The following RALGPS2 variants were observed in gnomAD, a reference collection of about 807,000 sequenced individuals.
The protein encoded by RALGPS2 is Ral GEF with PH domain and SH3 binding motif 2.
A neutral mutation model predicts 86.8 loss-of-function variants in RALGPS2; 43 were observed. That is an observed-to-expected ratio of 0.50 (90% CI 0.39 to 0.64). The LOEUF is 0.64. Among genes scored for constraint, RALGPS2 ranks in the 30% least tolerant of loss-of-function variants. RALGPS2 has a pLI of 0.00. For missense variants in RALGPS2, 536 were observed against 694.6 expected (o/e 0.77, Z 2.57); for synonymous variants, 243 against 231.3 (o/e 1.05, Z -0.46).
intron 6 of RALGPS2, among the ~76,000 whole-genome samples, chr1:178,814,504 C>G (rs1426716102): frequency 6.6e-6 from 1 of 152,144 alleles, no homozygotes; most frequent in Non-Finnish European, 1.5e-5. Context: ...GGTGTGATCC[C>G]AACTCACTGC....
intron 1 of RALGPS2, among the ~76,000 whole-genome samples, chr1:178,744,835 AAAG>A (rs1208068171): frequency 7.9e-5 from 12 of 151,718 alleles, no homozygotes; most frequent in African/African-American, 2.2e-4. Flanking sequence ...AAAAAAAAAA[AAAG>A]AAAGGAAAAG....
chr1:178,764,697 T>C (rs781571961), intron 1 of RALGPS2, among the ~76,000 whole-genome samples: 10 of 152,222 alleles, frequency 6.6e-5, no homozygotes, highest in Non-Finnish European at 1.0e-4. Context: ...GAAACAGATA[T>C]TATTTCTTCT....
At chr1:178,871,851 G>A (rs1220162704) in intron 8 of RALGPS2, among the ~76,000 whole-genome samples, 1 of 152,178 alleles carries the variant, frequency 6.6e-6, no homozygotes, top group East Asian at 1.9e-4. Context: ...TGTGAACTTA[G>A]ACAAATCACT....
At chr1:178,821,500 A>T in intron 6 of RALGPS2, 112 bp from the exon 7 acceptor site, 2 of 743,164 alleles carry the variant, frequency 2.7e-6, no homozygotes, top group Non-Finnish European at 4.6e-6. Flanking sequence ...TAATGAAGGT[A>T]ATATATGCTG....
chr1:178,877,477 AT>A lies in RALGPS2; in HGVS notation c.608-18del. The stretch of plus-strand genomic sequence containing the variant: ...CCAACCTACAACTAAGAAAACGTTC[AT>A]TTATCTAATTGTATTTCAGGTATCT... On this transcript the variant is annotated intron_variant, in intron 8 of 19. Coordinates refer to ENST00000367635, the MANE Select transcript of RALGPS2 (RefSeq NM_152663.5). 6.2e-7 allele frequency: 1 copy of A among 1,611,238 alleles called. No individual in the cohort carries two copies. The highest frequency in any genetic ancestry group is 1.1e-5 in the South Asian group (1 of 90,810).
At chr1:178,910,841 A>AG in intron 19 of RALGPS2, among the ~76,000 whole-genome samples, 1 of 152,254 alleles carries the variant, frequency 6.6e-6, no homozygotes, top group African/African-American at 2.4e-5. Flanking sequence ...GATTGGTACT[A>AG]GCTCTTTTTC....
intron 6 of RALGPS2, among the ~76,000 whole-genome samples, chr1:178,813,420 A>G (rs1371357281): frequency 6.6e-6 from 1 of 152,176 alleles, no homozygotes; most frequent in Non-Finnish European, 1.5e-5. Flanking sequence ...ATTATTTTTG[A>G]CAGCACTTGC....
chr1:178,763,714 G>T (rs1241236121), intron 1 of RALGPS2, among the ~76,000 whole-genome samples: 2 of 152,038 alleles, frequency 1.3e-5, no homozygotes, highest in African/African-American at 4.8e-5. Flanking sequence ...TAGTTTCAAA[G>T]AATTTCTTGA....
At chr1:178,772,350 C>A (rs1190571509) in intron 1 of RALGPS2, among the ~76,000 whole-genome samples, 1 of 152,172 alleles carries the variant, frequency 6.6e-6, no homozygotes, top group African/African-American at 2.4e-5. Context: ...AACAAAAACA[C>A]AAAATATTTG....
At chr1:178,791,046 C>T (rs1029277204) in intron 4 of RALGPS2, among the ~76,000 whole-genome samples, 3 of 152,172 alleles carry the variant, frequency 2.0e-5, no homozygotes, top group Admixed American at 1.3e-4. Context: ...ATTCAGGTCT[C>T]TACTTCATAT....
At chr1:178,796,381 T>C (rs1177082134) in intron 4 of RALGPS2, among the ~76,000 whole-genome samples, 3 of 152,170 alleles carry the variant, frequency 2.0e-5, no homozygotes, top group African/African-American at 7.2e-5. Flanking sequence ...GACTGAGACT[T>C]CTTTGTAGAT....
chr1:178,860,136 T>G (rs1194087750), intron 8 of RALGPS2, among the ~76,000 whole-genome samples: 6 of 152,148 alleles, frequency 3.9e-5, no homozygotes, highest in Non-Finnish European at 7.4e-5. Context: ...TCAGCTCTCC[T>G]ACAAGGAATA....
intron 5 of RALGPS2, 143 bp downstream of exon 5, chr1:178,808,271 CTT>C (rs939205822): frequency 3.2e-6 from 2 of 634,078 alleles, no homozygotes; most frequent in East Asian, 2.8e-5. Flanking sequence ...TGCATGATCT[CTT>C]TTTTTCTCTG....
At chr1:178,888,687 G>A (rs1558172355) in intron 13 of RALGPS2, among the ~76,000 whole-genome samples, 4 of 152,094 alleles carry the variant, frequency 2.6e-5, no homozygotes, top group South Asian at 4.1e-4. Context: ...AATTATTTCA[G>A]TGATTGTTAT....
intron 10 of RALGPS2, among the ~76,000 whole-genome samples, chr1:178,880,891 GTA>G (rs1325000152): frequency 1.3e-5 from 2 of 152,134 alleles, no homozygotes; most frequent in African/African-American, 4.8e-5. Flanking sequence ...AAGCCATGAG[GTA>G]GTTCTGACAT....
chr1:178,836,201 T>C (rs568714018), intron 8 of RALGPS2, among the ~76,000 whole-genome samples: 1 of 152,214 alleles, frequency 6.6e-6, no homozygotes, highest in African/African-American at 2.4e-5. Context: ...AGGAAAGGTT[T>C]TCTAGTGGAG....
chr1:178,745,822 CTTTTT>C (rs34277622), intron 1 of RALGPS2, among the ~76,000 whole-genome samples: 2 of 86,052 alleles, frequency 2.3e-5, no homozygotes, highest in Admixed American at 1.4e-4. Context: ...TTCAATTCTT[CTTTTT>C]TTTTTTTTTT....
intron 1 of RALGPS2, among the ~76,000 whole-genome samples, chr1:178,753,335 TG>T (rs1314201218): frequency 6.6e-6 from 1 of 152,140 alleles, no homozygotes; most frequent in Non-Finnish European, 1.5e-5. Flanking sequence ...CTATGGTATT[TG>T]GGGGTGGGAC....
intron 4 of RALGPS2, among the ~76,000 whole-genome samples, chr1:178,787,016 G>A (rs768812977): frequency 2.0e-5 from 3 of 150,644 alleles, no homozygotes; most frequent in Non-Finnish European, 3.0e-5. Context: ...ACCTCAGAGG[G>A]CTCTCTAAGT....
Sources: allele counts gnomAD v4.1 joint callset (sites outside exome capture counted in the v4.1 genomes callset), GRCh38; gene constraint gnomAD v4.1.1; transcripts MANE v1.5; gene names NCBI Gene and HGNC (gene_info 2026-07-23, HGNC 2026-07-21).